The following PRDM7 variants were observed in gnomAD, a reference collection of about 807,000 sequenced individuals.
PRDM7 encodes the protein histone-lysine N-methyltransferase PRDM7.
A neutral mutation model predicts 64.3 loss-of-function variants in PRDM7; 52 were observed. That is an observed-to-expected ratio of 0.81 (90% CI 0.65 to 1.02). The LOEUF (loss-of-function observed/expected upper bound fraction) is 1.02. PRDM7 is among the 50% of genes least tolerant of loss of function. The pLI is 0.00. For missense variants in PRDM7, 574 were observed against 597.1 expected (o/e 0.96, Z 0.40); for synonymous variants, 192 against 210.1 (o/e 0.91, Z 0.74).
intron 1 of PRDM7, among the ~76,000 whole-genome samples, chr16:90,076,686 G>T (rs1157691676): frequency 2.6e-5 from 4 of 152,016 alleles, no homozygotes; most frequent in African/African-American, 4.8e-5. Flanking sequence ...GATCTGGGGT[G>T]CTCTAGTTGA....
intron 6 of PRDM7, among the ~76,000 whole-genome samples, chr16:90,063,262 A>G (rs1295012664): frequency 5.3e-5 from 8 of 152,164 alleles, no homozygotes; most frequent in African/African-American, 1.9e-4. Context: ...CCTGGTCAAC[A>G]TGGTGAAACT....
At position 90,057,704 on chromosome 16, in the gene PRDM7, C is replaced by A. The variant is rs2037705520; in HGVS notation, c.*585G>T. 1.7e-6 allele frequency: 2 copies of A among 1,194,632 alleles called. No individual in the cohort carries two copies. The highest frequency in any genetic ancestry group is 3.3e-5 in the South Asian group (2 of 60,744). The allele number at this position is 1,194,632 out of a possible 1,614,324, so 74.0% of individuals were successfully genotyped here. On this transcript the variant is annotated 3_prime_UTR_variant, in exon 11 of 11. Coordinates refer to ENST00000449207, the MANE Select transcript of PRDM7 (RefSeq NM_001098173.2). ...ATTTGTTTAATTAGTTATTTCCGATCTCTTTACACTCTCGGGGAATGTAAG... is the reference window on the plus strand; with the variant it reads ...ATTTGTTTAATTAGTTATTTCCGATATCTTTACACTCTCGGGGAATGTAAG...
chr16:90,072,802 G>A (rs1406191197), intron 4 of PRDM7, among the ~76,000 whole-genome samples: 1 of 152,160 alleles, frequency 6.6e-6, no homozygotes, highest in Non-Finnish European at 1.5e-5. Flanking sequence ...ATAGATGTGT[G>A]GTAAACCACG....
chr16:90,068,493 G>C (rs1216298768), intron 4 of PRDM7, among the ~76,000 whole-genome samples: 3 of 150,184 alleles, frequency 2.0e-5, no homozygotes, highest in Non-Finnish European at 2.9e-5. Context: ...AAATTAGCTG[G>C]GTGTGGTGAC....
At chr16:90,072,027 G>A (rs1354282936) in intron 4 of PRDM7, among the ~76,000 whole-genome samples, 11 of 152,016 alleles carry the variant, frequency 7.2e-5, no homozygotes, top group Admixed American at 3.9e-4. Context: ...TCAGGAGATC[G>A]AGACCATCCT....
chr16:90,059,405 G>A (rs2037732953), intron 10 of PRDM7, among the ~76,000 whole-genome samples: 2 of 152,110 alleles, frequency 1.3e-5, no homozygotes, highest in African/African-American at 4.8e-5. Context: ...CAGGCTTACC[G>A]CCATGCTCCC....
intron 5 of PRDM7, among the ~76,000 whole-genome samples, chr16:90,065,261 C>T (rs1294314802): frequency 6.1e-5 from 9 of 148,420 alleles, no homozygotes; most frequent in Non-Finnish European, 8.9e-5. Flanking sequence ...GGTGTGGTGG[C>T]GGGCGCCTGT....
chr16:90,063,578 A>T, intron 6 of PRDM7, 34 bp downstream of exon 6: 1 of 1,607,718 alleles, frequency 6.2e-7, no homozygotes, highest in Non-Finnish European at 8.5e-7. Flanking sequence ...TAGAGGACAT[A>T]GAGGGACTAA....
At position 90,058,404 on chromosome 16, in the gene PRDM7, G is replaced by A. The variant is rs2037715734; in HGVS notation, c.1364C>T (p.Ser455Phe). 1 of 1,614,076 alleles carries A rather than the reference G, an allele frequency of 6.2e-7. No individual in the cohort carries two copies. The highest frequency in any genetic ancestry group is 8.5e-7 in the Non-Finnish European group (1 of 1,180,042). ...TSQDHLQENFSNQRIPAQGIR... is the reference protein window; with the variant it reads ...TSQDHLQENFFNQRIPAQGIR... ...CCCCTGGGCAGGGATTCTCTGGTTG[G>A]AGAAGTTTTCTTGCAGATGGTCCTG... is the stretch of plus-strand genomic sequence containing the variant. Residue 455 changes from serine to phenylalanine, a missense_variant, in exon 11 of 11, where the codon TCC becomes TTC. Transcript: ENST00000449207.
At chr16:90,074,880 T>TAA (rs374811950) in intron 4 of PRDM7, 36 bp downstream of exon 4, 435 of 1,287,702 alleles carry the variant, frequency 3.4e-4, no homozygotes, top group East Asian at 8.0e-4. Context: ...ACTCCGTCTT[T>TAA]AAAAAAAAAA....
chr16:90,072,885 C>A (rs2037981608), intron 4 of PRDM7, among the ~76,000 whole-genome samples: 1 of 152,190 alleles, frequency 6.6e-6, no homozygotes. Context: ...GCTGGCCTTT[C>A]ATTCCTCTTA....
At chr16:90,059,825 G>C (rs1278661394) in intron 10 of PRDM7, among the ~76,000 whole-genome samples, 1 of 152,206 alleles carries the variant, frequency 6.6e-6, no homozygotes, top group Admixed American at 6.5e-5. Context: ...ACATATGTCT[G>C]TGTGTATTCG....
chr16:90,063,593 C>T lies in PRDM7; in HGVS notation c.508+19G>A, dbSNP rs1338257201. 6.2e-7 allele frequency: 1 copy of T among 1,611,598 alleles called. No individual in the cohort carries two copies. The highest frequency in any genetic ancestry group is 1.3e-5 in the African/African-American group (1 of 74,810). On this transcript the variant is annotated intron_variant, in intron 6 of 10. Transcript: ENST00000449207. ...TAGAGGACATAGAGGGACTAAATTCCCCTCAAATTTTTTCTTACCCAGTTT... is the reference window on the plus strand; with the variant it reads ...TAGAGGACATAGAGGGACTAAATTCTCCTCAAATTTTTTCTTACCCAGTTT...
Position 90,075,057 on chromosome 16 carries a change from G to A in PRDM7, c.194-34C>T. The stretch of plus-strand genomic sequence containing the variant: ...AAGCAAAAAATTTTGCTCTGAAACG[G>A]AAGAGCTGGGATGAGGAACAAAGGG... On this transcript the variant is annotated intron_variant, in intron 3 of 10. Transcript: ENST00000449207. This position sits in a 1 kb window ranked among gnomAD's most constrained non-coding sequence, Gnocchi z 4.3. The A allele has an allele frequency of 3.7e-6, 6 of 1,609,304 alleles. No homozygotes were observed. The highest frequency in any genetic ancestry group is 5.1e-6 in the Non-Finnish European group (6 of 1,175,710).
At chr16:90,063,076 C>T (rs1342797944) in intron 6 of PRDM7, among the ~76,000 whole-genome samples, 1 of 152,150 alleles carries the variant, frequency 6.6e-6, no homozygotes, top group African/African-American at 2.4e-5. Flanking sequence ...AAGATTTGCC[C>T]AAGGCCCCAA....
Position 90,060,563 on chromosome 16 carries a change from C to T in PRDM7, c.1011G>A (p.Arg337=). 2 of 1,614,068 alleles carry T rather than the reference C, an allele frequency of 1.2e-6. No individual in the cohort carries two copies. Among genetic ancestry groups the T allele is most frequent in the Non-Finnish European group, 1.7e-6 (2 of 1,179,998 alleles). The change falls in exon 10 of 11, where the codon AGG becomes AGA. Residue 337 remains arginine, a synonymous_variant. Coordinates refer to ENST00000449207, the MANE Select transcript of PRDM7 (RefSeq NM_001098173.2). ...CTCGGCAGGTTCTATAGAAGATCTGCCTGTGGTACTGGAAGGCCACCAGGT... is the reference window on the plus strand; with the variant it reads ...CTCGGCAGGTTCTATAGAAGATCTGTCTGTGGTACTGGAAGGCCACCAGGT... ...EQNLVAFQYH[R]QIFYRTCRVI... is the part of the protein sequence containing the mutation.
At chr16:90,058,594 G>A in intron 10 of PRDM7, 60 bp from the exon 11 acceptor site, 1 of 1,548,224 alleles carries the variant, frequency 6.5e-7, no homozygotes, top group Non-Finnish European at 8.9e-7. Flanking sequence ...TACATATGAA[G>A]GTATGAAGAT....
intron 4 of PRDM7, among the ~76,000 whole-genome samples, chr16:90,070,512 A>G (rs2037940706): frequency 1.3e-5 from 2 of 150,978 alleles, no homozygotes; most frequent in Admixed American, 6.6e-5. Context: ...TGAACCCGGG[A>G]GGTGGAGTTT....
rs1597682242 is a variant in PRDM7, at chr16:90,060,554, G to T, written c.1020C>A (p.Phe340Leu). ...LVAFQYHRQI[F>L]YRTCRVIRPG... is the part of the protein sequence containing the mutation. The stretch of plus-strand genomic sequence containing the variant: ...GCCTAATGACTCGGCAGGTTCTATA[G>T]AAGATCTGCCTGTGGTACTGGAAGG... Residue 340 changes from phenylalanine (F) to leucine (L), a missense_variant, in exon 10 of 11, where the codon TTC (phenylalanine) becomes TTA (leucine). Phe to Leu is a conservative substitution (Grantham distance 22, BLOSUM62 0). Transcript: ENST00000449207. 6.2e-7 allele frequency: 1 copy of T among 1,614,040 alleles called. No individual in the cohort carries two copies. Among genetic ancestry groups the T allele is most frequent in the East Asian group, 2.2e-5 (1 of 44,880 alleles).
Sources: allele counts gnomAD v4.1 joint callset (sites outside exome capture counted in the v4.1 genomes callset), GRCh38; gene constraint gnomAD v4.1.1; non-coding constraint Gnocchi (gnomAD v3.1); transcripts MANE v1.5; gene names NCBI Gene and HGNC (gene_info 2026-07-23, HGNC 2026-07-21).